The following CNTN5 variants were observed in gnomAD, a reference collection of about 807,000 sequenced individuals.
The protein encoded by CNTN5 is contactin-5.
CNTN5 carries 77 observed loss-of-function variants against 129.1 expected under a neutral mutation model. The observed-to-expected ratio is 0.60, with a 90% CI of 0.50 to 0.72. The LOEUF is 0.72. CNTN5 is among the 30% of genes least tolerant of loss of function. The pLI is 0.00. For missense variants in CNTN5, 1,478 were observed against 1,328.8 expected (o/e 1.11, Z -1.75); for synonymous variants, 509 against 465.6 (o/e 1.09, Z -1.20).
At chr11:99,120,442 G>T (rs1204395302) in intron 1 of CNTN5, 1 of 152,182 alleles carries the variant, frequency 6.6e-6, no homozygotes, top group Non-Finnish European at 1.5e-5. Flanking sequence ...TGAATAAAGG[G>T]ATGAGCCATA....
chr11:99,522,694 A>C (rs1947314927), intron 2 of CNTN5, among the ~76,000 whole-genome samples: 3 of 152,328 alleles, frequency 2.0e-5, no homozygotes, highest in African/African-American at 7.2e-5. Flanking sequence ...CATATGATTA[A>C]TATAGTAGGA....
intron 2 of CNTN5, among the ~76,000 whole-genome samples, chr11:99,523,996 T>A (rs1435802965): frequency 6.6e-6 from 1 of 152,158 alleles, no homozygotes; most frequent in Non-Finnish European, 1.5e-5. Context: ...GTGCCAAAGA[T>A]GAAGGACTTT....
chr11:100,349,542 A>T (rs1234778468), intron 23 of CNTN5, among the ~76,000 whole-genome samples: 4 of 151,904 alleles, frequency 2.6e-5, no homozygotes, highest in African/African-American at 7.2e-5. Flanking sequence ...AATAAATTGA[A>T]GTTTACAAAA....
chr11:99,248,100 T>C (rs1861910849), intron 1 of CNTN5, among the ~76,000 whole-genome samples: 1 of 152,190 alleles, frequency 6.6e-6, no homozygotes, highest in Non-Finnish European at 1.5e-5. Context: ...TGTTCCTATT[T>C]CTCCACATCT....
intron 3 of CNTN5, among the ~76,000 whole-genome samples, chr11:99,571,666 C>A (rs1256136173): frequency 6.6e-6 from 1 of 151,966 alleles, no homozygotes; most frequent in Non-Finnish European, 1.5e-5. Context: ...GTAAAAGATG[C>A]AGAAGGTTAA....
intron 3 of CNTN5, among the ~76,000 whole-genome samples, chr11:99,611,894 A>G (rs766194277): frequency 6.6e-6 from 1 of 152,192 alleles, no homozygotes; most frequent in Non-Finnish European, 1.5e-5. Flanking sequence ...TAACATGGAT[A>G]ATAGAATTCT....
At chr11:99,834,440 T>C (rs981162605) in intron 4 of CNTN5, among the ~76,000 whole-genome samples, 1 of 152,106 alleles carries the variant, frequency 6.6e-6, no homozygotes, top group Non-Finnish European at 1.5e-5. Flanking sequence ...GTAGAAAGAT[T>C]GGTTTAGCCC....
chr11:99,712,550 G>T (rs1955036592), intron 3 of CNTN5, among the ~76,000 whole-genome samples: 1 of 152,010 alleles, frequency 6.6e-6, no homozygotes. Context: ...TGAAGTCTTT[G>T]CCCATGCCTA....
At chr11:99,246,830 T>A (rs555252677) in intron 1 of CNTN5, among the ~76,000 whole-genome samples, 1 of 152,262 alleles carries the variant, frequency 6.6e-6, no homozygotes, top group African/African-American at 2.4e-5. Flanking sequence ...TCATTACTAA[T>A]CATAGGCTAG....
rs1199663202 is a variant in CNTN5, at chr11:99,716,347, CTTCT to C, written c.56-103194_56-103191del. ...GATGACTACTTCTAACAATTCTCTC[CTTCT>C]TTATTGAAGCAACCTCTCTTGGCTT... is the stretch of plus-strand genomic sequence containing the variant. On this transcript the variant is annotated intron_variant, in intron 3 of 24. Transcript: ENST00000524871. Among the ~76,000 whole-genome samples the C allele has an allele frequency of 3.3e-5, 5 of 152,136 alleles. No homozygotes were observed. In the South Asian group the frequency reaches 1.0e-3, roughly 31 times the overall value.
chr11:100,070,785 A>G (rs1002189540), intron 11 of CNTN5, among the ~76,000 whole-genome samples: 2 of 152,176 alleles, frequency 1.3e-5, no homozygotes, highest in African/African-American at 4.8e-5. Context: ...GAGAAACATA[A>G]CAAATATGTA....
chr11:100,135,177 T>TG (rs1491540795), intron 13 of CNTN5, among the ~76,000 whole-genome samples: 2 of 50,070 alleles, frequency 4.0e-5, no homozygotes, highest in African/African-American at 1.4e-4. Context: ...TATAAAAGTG[T>TG]TTTTTTTTTT....
At chr11:99,798,445 T>G (rs527366568) in intron 3 of CNTN5, among the ~76,000 whole-genome samples, 2 of 152,286 alleles carry the variant, frequency 1.3e-5, no homozygotes, top group South Asian at 4.1e-4. Flanking sequence ...TTTTTATAAA[T>G]GGTGAAAGAT....
chr11:100,046,779 G>GA (rs34989435), intron 9 of CNTN5, among the ~76,000 whole-genome samples: 2 of 151,832 alleles, frequency 1.3e-5, no homozygotes, highest in East Asian at 1.9e-4. Flanking sequence ...TGTAGACTAT[G>GA]AAAAAAAATG....
chr11:99,023,274 T>C (rs1047507524), intron 1 of CNTN5, among the ~76,000 whole-genome samples: 1 of 152,356 alleles, frequency 6.6e-6, no homozygotes, highest in African/African-American at 2.4e-5. Context: ...TTCAATCTTA[T>C]GTGTCCAATT....
intron 1 of CNTN5, among the ~76,000 whole-genome samples, chr11:99,154,063 C>A (rs774319340): frequency 6.6e-6 from 1 of 152,060 alleles, no homozygotes; most frequent in Non-Finnish European, 1.5e-5. Context: ...GAAAACACTC[C>A]GATGGATTGT....
chr11:100,178,208 C>T (rs1591359883), intron 13 of CNTN5, among the ~76,000 whole-genome samples: 1 of 152,134 alleles, frequency 6.6e-6, no homozygotes, highest in Non-Finnish European at 1.5e-5. Context: ...GCCATCATGC[C>T]TCTCCAAACG....
chr11:99,157,678 A>G (rs1358578471), intron 1 of CNTN5, among the ~76,000 whole-genome samples: 1 of 152,164 alleles, frequency 6.6e-6, no homozygotes, highest in South Asian at 2.1e-4. Context: ...CCATGTCTCT[A>G]TGTTAACTTT....
intron 1 of CNTN5, among the ~76,000 whole-genome samples, chr11:99,283,405 C>G (rs1863787898): frequency 6.6e-6 from 1 of 152,088 alleles, no homozygotes; most frequent in Non-Finnish European, 1.5e-5. Context: ...CATGTGCACA[C>G]ACACATGCAC....
Sources: gnomAD v4.1 joint callset for allele counts (sites outside exome capture counted in the v4.1 genomes callset) on GRCh38, gnomAD v4.1.1 for gene constraint, MANE v1.5 for transcripts, NCBI Gene and HGNC (gene_info 2026-07-23, HGNC 2026-07-21) for gene names.